Variants in FSTL4 observed in about 807,000 individuals in gnomAD.
FSTL4 encodes follistatin-related protein 4.
A neutral mutation model predicts 78.2 loss-of-function variants in FSTL4; 28 were observed. The observed-to-expected ratio is 0.36, with a 90% CI of 0.27 to 0.49. The LOEUF (loss-of-function observed/expected upper bound fraction) is 0.49. Ranked by LOEUF, FSTL4 falls within the 20% of genes least tolerant of loss-of-function variation. FSTL4 has a pLI of 0.98. For missense variants in FSTL4, 922 were observed against 1,084.9 expected, an observed-to-expected ratio of 0.85 and a Z score of 2.11; for synonymous variants, 422 against 440.5, an observed-to-expected ratio of 0.96 and a Z score of 0.53.
chr5:133,545,233 G>A lies in FSTL4; in HGVS notation c.160+21953C>T, dbSNP rs142115340. On this transcript the variant is annotated intron_variant, in intron 3 of 15. Coordinates refer to ENST00000265342, the MANE Select transcript of FSTL4 (RefSeq NM_015082.2). ...TGAGAGTGCTCCCCAAGATTCCAGC[G>A]TGAGATCTGGTCCCTGGTGTGGCAG... 4.2e-3 allele frequency among the ~76,000 whole-genome samples: 639 copies of A among 152,254 alleles called. 1 individual carries two copies. Among genetic ancestry groups the A allele is most frequent in the African/African-American group, 0.014 (586 of 41,554 alleles).
chr5:133,407,718 T>C (rs916053814), intron 3 of FSTL4, among the ~76,000 whole-genome samples: 1 of 152,230 alleles, frequency 6.6e-6, no homozygotes, highest in African/African-American at 2.4e-5. Flanking sequence ...CAAATAGGTT[T>C]CTACATATTG....
intron 11 of FSTL4, among the ~76,000 whole-genome samples, chr5:133,221,914 T>TG (rs1751140853): frequency 2.6e-5 from 3 of 117,096 alleles, no homozygotes; most frequent in African/African-American, 1.4e-4. Context: ...TTTTTTTTTT[T>TG]TTTTTTTTTT....
chr5:133,390,961 T>G (rs1291987911), intron 4 of FSTL4, among the ~76,000 whole-genome samples: 1 of 152,168 alleles, frequency 6.6e-6, no homozygotes, highest in African/African-American at 2.4e-5. Context: ...TCAATTCTTG[T>G]ACCCACTGTC....
chr5:133,355,827 G>A (rs768483914), intron 4 of FSTL4, among the ~76,000 whole-genome samples: 20 of 152,114 alleles, frequency 1.3e-4, no homozygotes, highest in Non-Finnish European at 2.2e-4. Context: ...GTGCTGGTCC[G>A]TGCTCCCCTT....
chr5:133,199,059 G>C lies in FSTL4; in HGVS notation c.*36C>G. 1.5e-6 allele frequency: 2 copies of C among 1,308,078 alleles called. No individual in the cohort carries two copies. The highest frequency in any genetic ancestry group is 2.1e-6 in the Non-Finnish European group (2 of 948,232). The allele number at this position is 1,308,078 out of a possible 1,614,324, so 81.0% of individuals were successfully genotyped here. On this transcript the variant is annotated 3_prime_UTR_variant, in exon 16 of 16. Transcript: ENST00000265342. This position sits in a 1 kb window ranked among gnomAD's most constrained non-coding sequence, Gnocchi z 4.4. Reference sequence around the variant, plus strand: ...TTGAGGCTGCAGTGTCAGGACTAGGGGGTGTTCCTTGGCCCAGGGCTCTGC... The same window carrying C: ...TTGAGGCTGCAGTGTCAGGACTAGGCGGTGTTCCTTGGCCCAGGGCTCTGC...
intron 3 of FSTL4, among the ~76,000 whole-genome samples, chr5:133,543,462 A>G (rs1759516437): frequency 6.6e-6 from 1 of 152,166 alleles, no homozygotes; most frequent in East Asian, 1.9e-4. Context: ...TTACATGTTA[A>G]TCTGATCTTA....
At chr5:133,472,636 T>C (rs1417737596) in intron 3 of FSTL4, among the ~76,000 whole-genome samples, 1 of 152,208 alleles carries the variant, frequency 6.6e-6, no homozygotes, top group Admixed American at 6.5e-5. Context: ...CATAGAGAAC[T>C]AAATGAAATA....
intron 11 of FSTL4, among the ~76,000 whole-genome samples, chr5:133,222,504 G>A (rs183969455): frequency 1.1e-4 from 16 of 152,272 alleles, no homozygotes; most frequent in African/African-American, 3.4e-4. Flanking sequence ...TCCCCACTAA[G>A]CCACAAACTC....
At chr5:133,680,153 G>A in the FSTL4 span, among the ~76,000 whole-genome samples, 5 of 152,080 alleles carry the variant, frequency 3.3e-5, no homozygotes, top group African/African-American at 1.2e-4. Flanking sequence ...TCCACAGCAT[G>A]GCATGGTCTT....
At chr5:133,339,837 G>A (rs756794405) in intron 4 of FSTL4, among the ~76,000 whole-genome samples, 4 of 152,212 alleles carry the variant, frequency 2.6e-5, no homozygotes, top group African/African-American at 9.7e-5. Flanking sequence ...ATCCAAGTGC[G>A]AGGTGCTCTA....
At chr5:133,558,999 T>TA (rs200057638) in intron 3 of FSTL4, among the ~76,000 whole-genome samples, 14 of 152,160 alleles carry the variant, frequency 9.2e-5, no homozygotes, top group East Asian at 7.7e-4. Flanking sequence ...AAAGATTTGT[T>TA]AAAAAAACAA....
chr5:133,787,910 A>G, the FSTL4 span, among the ~76,000 whole-genome samples: 54 of 152,310 alleles, frequency 3.5e-4, no homozygotes, highest in African/African-American at 1.2e-3. Flanking sequence ...CCTTAGACCA[A>G]ACATTTGCAC....
intron 3 of FSTL4, chr5:133,427,581 G>A (rs1016157669): frequency 3.1e-5 from 16 of 518,610 alleles, no homozygotes; most frequent in African/African-American, 2.7e-4. Flanking sequence ...CAATGGCGGG[G>A]GGAAGGGCGG....
chr5:133,702,019 C>G, the FSTL4 span, among the ~76,000 whole-genome samples: 9 of 152,266 alleles, frequency 5.9e-5, no homozygotes, highest in Admixed American at 2.0e-4. Flanking sequence ...TGACAGGCAG[C>G]CCCTGAAACC....
At chr5:133,754,606 T>A in the FSTL4 span, among the ~76,000 whole-genome samples, 1 of 152,170 alleles carries the variant, frequency 6.6e-6, no homozygotes, top group African/African-American at 2.4e-5. Flanking sequence ...AGAAAACTGA[T>A]GAAGGAATTA....
chr5:133,352,301 C>T (rs60659979), intron 4 of FSTL4, among the ~76,000 whole-genome samples: 23,555 of 103,762 alleles, frequency 0.23, 3,640 homozygotes, highest in African/African-American at 0.54. Flanking sequence ...TATACACACA[C>T]ATATATATAT....
chr5:133,467,523 G>A (rs1420992541), intron 3 of FSTL4, among the ~76,000 whole-genome samples: 1 of 152,178 alleles, frequency 6.6e-6, no homozygotes, highest in Non-Finnish European at 1.5e-5. Flanking sequence ...CCCCTACTGC[G>A]ACTGAAAGGA....
intron 5 of FSTL4, among the ~76,000 whole-genome samples, chr5:133,313,954 C>T (rs2126889422): frequency 6.6e-6 from 1 of 152,230 alleles, no homozygotes; most frequent in South Asian, 2.1e-4. Context: ...TGGACTTTAA[C>T]TATATTAAAT....
At chr5:133,505,734 T>C (rs1003477144) in intron 3 of FSTL4, among the ~76,000 whole-genome samples, 2 of 152,228 alleles carry the variant, frequency 1.3e-5, no homozygotes, top group African/African-American at 4.8e-5. Flanking sequence ...ACTGCAACTC[T>C]ATCACCTACG....
Sources: allele counts gnomAD v4.1 joint callset (sites outside exome capture counted in the v4.1 genomes callset), GRCh38; gene constraint gnomAD v4.1.1; non-coding constraint Gnocchi (gnomAD v3.1); transcripts MANE v1.5; gene names NCBI Gene and HGNC (gene_info 2026-07-23, HGNC 2026-07-21).